GPC6: variants seen among roughly 807,000 people sequenced by gnomAD.
GPC6 encodes the protein glypican-6.
GPC6 carries 14 observed loss-of-function variants against 55.2 expected under a neutral mutation model. That is an observed-to-expected ratio of 0.25 (90% confidence interval 0.17 to 0.40). The LOEUF is 0.40. Ranked by LOEUF, GPC6 falls within the 10% of genes least tolerant of loss-of-function variation. The probability of loss-of-function intolerance (pLI) is 1.00; values close to 1 mark genes in which losing one functional copy is unlikely to be tolerated. For synonymous variants in GPC6, 278 were observed against 259.6 expected (o/e 1.07, Z -0.68); for missense variants, 641 against 708.5 (o/e 0.90, Z 1.08).
At chr13:94,037,795 T>C (rs1476194456) in intron 4 of GPC6, among the ~76,000 whole-genome samples, 3 of 151,892 alleles carry the variant, frequency 2.0e-5, no homozygotes, top group Non-Finnish European at 2.9e-5. Context: ...ATTGATAAGC[T>C]ATATTGGAAG....
intron 3 of GPC6, among the ~76,000 whole-genome samples, chr13:93,944,919 G>A (rs960477690): frequency 6.6e-6 from 1 of 152,110 alleles, no homozygotes; most frequent in African/African-American, 2.4e-5. Context: ...GTTGGGGTGG[G>A]GAGGGGATTT....
chr13:93,418,814 C>T (rs983620097), intron 1 of GPC6, among the ~76,000 whole-genome samples: 1 of 150,646 alleles, frequency 6.6e-6, no homozygotes, highest in African/African-American at 2.5e-5. Flanking sequence ...GGCACTATAC[C>T]ATAGCATCAC....
intron 4 of GPC6, among the ~76,000 whole-genome samples, chr13:94,137,145 T>G (rs566294819): frequency 6.6e-6 from 1 of 152,348 alleles, no homozygotes; most frequent in Admixed American, 6.5e-5. Context: ...AGAAATTTGA[T>G]TTTAGATCGC....
chr13:93,348,794 A>T (rs9589714), intron 1 of GPC6, among the ~76,000 whole-genome samples: 1 of 152,210 alleles, frequency 6.6e-6, no homozygotes, highest in Non-Finnish European at 1.5e-5. Flanking sequence ...AAGAAAGCCC[A>T]TACAAATTTA....
chr13:93,341,940 G>T, intron 1 of GPC6, among the ~76,000 whole-genome samples: 1 of 146,254 alleles, frequency 6.8e-6, no homozygotes, highest in Non-Finnish European at 1.5e-5. Context: ...TTTTTAAGAT[G>T]GAGTCTCACT....
intron 4 of GPC6, among the ~76,000 whole-genome samples, chr13:94,031,105 C>T (rs922754132): frequency 2.1e-5 from 3 of 145,532 alleles, no homozygotes; most frequent in African/African-American, 5.1e-5. Flanking sequence ...TGTGTGTGTG[C>T]GTGCATGTGT....
At chr13:93,465,962 G>C (rs1405989023) in intron 1 of GPC6, among the ~76,000 whole-genome samples, 2 of 152,142 alleles carry the variant, frequency 1.3e-5, no homozygotes, top group African/African-American at 4.8e-5. Context: ...GGTCTAAGGA[G>C]ACAGACAGAG....
At chr13:93,916,513 A>G (rs1309747813) in intron 3 of GPC6, among the ~76,000 whole-genome samples, 2 of 152,178 alleles carry the variant, frequency 1.3e-5, no homozygotes, top group African/African-American at 4.8e-5. Flanking sequence ...CCAACATTTT[A>G]ACCCCTTATT....
chr13:93,802,289 G>A (rs1341149560), intron 2 of GPC6, among the ~76,000 whole-genome samples: 1 of 151,980 alleles, frequency 6.6e-6, no homozygotes, highest in African/African-American at 2.4e-5. Context: ...TGTAATAACT[G>A]GAGATACTTG....
intron 3 of GPC6, among the ~76,000 whole-genome samples, chr13:93,987,748 A>G (rs892965968): frequency 6.6e-6 from 1 of 152,106 alleles, no homozygotes; most frequent in Non-Finnish European, 1.5e-5. Context: ...TCTGTTTGAA[A>G]GCTCTGTCAA....
chr13:94,346,768 C>T (rs996363353), intron 6 of GPC6, among the ~76,000 whole-genome samples: 2 of 149,506 alleles, frequency 1.3e-5, no homozygotes, highest in South Asian at 2.1e-4. Flanking sequence ...CACCCTTTGG[C>T]GTGGGAGGTA....
intron 4 of GPC6, among the ~76,000 whole-genome samples, chr13:94,233,531 T>C (rs1441658170): frequency 1.3e-5 from 2 of 152,192 alleles, no homozygotes; most frequent in Non-Finnish European, 2.9e-5. Context: ...AGTTTCCCAC[T>C]GTTCTGAATA....
chr13:93,821,266 C>T (rs1476107934), intron 2 of GPC6, among the ~76,000 whole-genome samples: 2 of 152,094 alleles, frequency 1.3e-5, no homozygotes, highest in African/African-American at 4.8e-5. Context: ...AAATAGGTTG[C>T]TGACTAGAAG....
chr13:93,696,614 AT>A lies in GPC6; in HGVS notation c.320-133522del, dbSNP rs144339785. 4.0e-3 allele frequency among the ~76,000 whole-genome samples: 553 copies of A among 136,656 alleles called. 1 individual carries two copies. Among genetic ancestry groups the A allele is most frequent in the African/African-American group, 0.011 (394 of 36,970 alleles). The allele number at this position is 136,656 out of a possible 152,430, so 89.7% of individuals were successfully genotyped here. On this transcript the variant is annotated intron_variant, in intron 2 of 8. Coordinates refer to ENST00000377047, the MANE Select transcript of GPC6 (RefSeq NM_005708.5). ...ACTTTTATACTGGTTACCTCCATAAATTTTTTTTTTTTTTTTTTAGGCAGAG... is the reference window on the plus strand; with the variant it reads ...ACTTTTATACTGGTTACCTCCATAAATTTTTTTTTTTTTTTTTAGGCAGAG...
At chr13:94,275,126 CA>C (rs747182121) in intron 4 of GPC6, among the ~76,000 whole-genome samples, 3 of 152,170 alleles carry the variant, frequency 2.0e-5, no homozygotes, top group Non-Finnish European at 2.9e-5. Context: ...TGTTTAATAA[CA>C]CCTCTTAGGA....
chr13:94,318,114 G>T (rs17175245), intron 6 of GPC6, among the ~76,000 whole-genome samples: 2,603 of 152,232 alleles, frequency 0.017, 38 homozygotes, highest in East Asian at 0.066. Context: ...CACCGCTCTC[G>T]GCTTCATGGA....
intron 3 of GPC6, among the ~76,000 whole-genome samples, chr13:93,921,731 A>C (rs1171698603): frequency 2.0e-5 from 3 of 151,564 alleles, no homozygotes; most frequent in Admixed American, 2.0e-4. Flanking sequence ...GGTGGGCCAA[A>C]AGGCAGCATT....
At chr13:94,247,111 C>T (rs533981990) in intron 4 of GPC6, among the ~76,000 whole-genome samples, 1 of 151,864 alleles carries the variant, frequency 6.6e-6, no homozygotes, top group Non-Finnish European at 1.5e-5. Flanking sequence ...TTTTATGCTG[C>T]CATAAATGGG....
chr13:94,145,015 A>G (rs1319897837), intron 4 of GPC6, among the ~76,000 whole-genome samples: 3 of 152,134 alleles, frequency 2.0e-5, no homozygotes, highest in African/African-American at 7.2e-5. Context: ...AGTTTGAAAT[A>G]TTGATTAGAG....
Sources: gnomAD v4.1 joint callset for allele counts (sites outside exome capture counted in the v4.1 genomes callset) on GRCh38, gnomAD v4.1.1 for gene constraint, MANE v1.5 for transcripts, NCBI Gene and HGNC (gene_info 2026-07-23, HGNC 2026-07-21) for gene names.